The following XKR9 variants were observed in gnomAD, a reference collection of about 807,000 sequenced individuals.
XKR9 encodes XK related 9.
A neutral mutation model predicts 32.0 loss-of-function variants in XKR9; 32 were observed. The ratio of observed to expected loss-of-function variants is 1.00; its 90% CI spans 0.76 to 1.34. The LOEUF (loss-of-function observed/expected upper bound fraction) is 1.34. XKR9 is among the 40% of genes most tolerant of loss of function. XKR9 has a pLI of 0.00. For missense variants in XKR9, 546 were observed against 429.7 expected (o/e 1.27, Z -2.39); for synonymous variants, 168 against 143.4 (o/e 1.17, Z -1.22).
chr8:70,889,624 TTTTCACTTATTA>T, the XKR9 span, among the ~76,000 whole-genome samples: 2 of 151,850 alleles, frequency 1.3e-5, no homozygotes, highest in African/African-American at 4.8e-5. Flanking sequence ...TGATATTTAG[TTTTCACTTATTA>T]TTTCACTTAT....
chr8:70,985,216 T>C, the XKR9 span, among the ~76,000 whole-genome samples: 62 of 152,344 alleles, frequency 4.1e-4, no homozygotes, highest in Non-Finnish European at 6.3e-4. Flanking sequence ...TGTGTCCATG[T>C]ATTCTCATTG....
downstream of XKR9, among the ~76,000 whole-genome samples, chr8:70,737,143 C>T (rs13256511): frequency 0.5 from 65,241 of 129,598 alleles, 17,964 homozygotes; most frequent in Middle Eastern, 0.59. Context: ...TTTTATTTCA[C>T]TGAGCAGTGG....
chr8:70,705,901 G>A (rs1805702572), intron 3 of XKR9, among the ~76,000 whole-genome samples: 1 of 152,066 alleles, frequency 6.6e-6, no homozygotes, highest in Non-Finnish European at 1.5e-5. Flanking sequence ...TAGTGGAAGT[G>A]GTAAGAAGTG....
At chr8:70,708,423 C>T (rs115496515) in intron 4 of XKR9, among the ~76,000 whole-genome samples, 2,512 of 151,968 alleles carry the variant, frequency 0.017, 56 homozygotes, top group African/African-American at 0.057. Flanking sequence ...TTAAAAATAG[C>T]ATAAAATGAG....
chr8:71,021,014 T>C, the XKR9 span, among the ~76,000 whole-genome samples: 1 of 152,216 alleles, frequency 6.6e-6, no homozygotes, highest in African/African-American at 2.4e-5. Context: ...GCTTGACTTC[T>C]GGTGAGGGCC....
chr8:70,997,324 A>AC, the XKR9 span, among the ~76,000 whole-genome samples: 11 of 151,324 alleles, frequency 7.3e-5, no homozygotes, highest in Non-Finnish European at 1.3e-4. Flanking sequence ...AAAAAACCAA[A>AC]ACCCCCCCGC....
the XKR9 span, among the ~76,000 whole-genome samples, chr8:70,952,064 C>T: frequency 1.3e-5 from 2 of 151,328 alleles, no homozygotes; most frequent in African/African-American, 4.9e-5. Flanking sequence ...GTAGAGAATA[C>T]TTTCCTATAT....
chr8:70,698,982 C>G (rs543501132), intron 3 of XKR9, among the ~76,000 whole-genome samples: 13 of 152,202 alleles, frequency 8.5e-5, no homozygotes, highest in South Asian at 4.2e-4. Flanking sequence ...TTTAAAGTCT[C>G]TTTTATCAGA....
intron 2 of XKR9, among the ~76,000 whole-genome samples, chr8:70,783,321 G>A (rs1807641741): frequency 6.6e-6 from 1 of 151,768 alleles, no homozygotes. Context: ...CTGCCTCCTG[G>A]GTTCACGCCA....
At chr8:70,954,425 T>G in the XKR9 span, among the ~76,000 whole-genome samples, 1 of 152,246 alleles carries the variant, frequency 6.6e-6, no homozygotes. Flanking sequence ...TCCACCTTGA[T>G]ATCTGCAAAA....
chr8:70,710,886 A>C (rs1182465159), intron 4 of XKR9, among the ~76,000 whole-genome samples: 1 of 152,202 alleles, frequency 6.6e-6, no homozygotes, highest in East Asian at 1.9e-4. Context: ...CTATGCATCC[A>C]GCAGAGGTCA....
At chr8:70,949,622 TG>T in the XKR9 span, among the ~76,000 whole-genome samples, 2 of 151,828 alleles carry the variant, frequency 1.3e-5, no homozygotes, top group Non-Finnish European at 2.9e-5. Flanking sequence ...TGGCGAGGTT[TG>T]ATCGTGGGGG....
At chr8:70,856,646 T>G in the XKR9 span, among the ~76,000 whole-genome samples, 1 of 152,026 alleles carries the variant, frequency 6.6e-6, no homozygotes, top group Non-Finnish European at 1.5e-5. Context: ...GCAGAACTCT[T>G]CACCCCAAAT....
At chr8:70,783,431 T>C (rs1186737677) in intron 2 of XKR9, among the ~76,000 whole-genome samples, 1 of 152,134 alleles carries the variant, frequency 6.6e-6, no homozygotes, top group East Asian at 1.9e-4. Context: ...TTTCACCGTG[T>C]TAGCCAGAAT....
chr8:70,823,445 A>G, the XKR9 span, among the ~76,000 whole-genome samples: 1 of 152,194 alleles, frequency 6.6e-6, no homozygotes, highest in Non-Finnish European at 1.5e-5. Flanking sequence ...ACTTTTCCTC[A>G]GCCTTTCTAT....
chr8:70,778,942 C>CT lies in XKR9; in HGVS notation n.353-10396dup, dbSNP rs553363605. 2.0e-3 allele frequency among the ~76,000 whole-genome samples: 310 copies of CT among 151,946 alleles called. 2 individuals carry two copies. The highest frequency in any genetic ancestry group is 7.3e-3 in the African/African-American group (302 of 41,472). On this transcript the variant is annotated intron_variant and non_coding_transcript_variant, in intron 2 of 3. Transcript: ENST00000520273. Reference sequence around the variant, plus strand: ...TTTCCTAATGGAATACCCTTTATTTCTCTTTCTTGTCTGACTGCCCTGGCC... The same window carrying CT: ...TTTCCTAATGGAATACCCTTTATTTCTTCTTTCTTGTCTGACTGCCCTGGCC...
chr8:70,784,721 C>T (rs1333431451), intron 2 of XKR9, among the ~76,000 whole-genome samples: 1 of 152,084 alleles, frequency 6.6e-6, no homozygotes, highest in Non-Finnish European at 1.5e-5. Context: ...CTGGCAACCA[C>T]TTGCAATACT....
At chr8:70,761,028 G>T (rs148209864) in intron 2 of XKR9, among the ~76,000 whole-genome samples, 3 of 152,078 alleles carry the variant, frequency 2.0e-5, no homozygotes, top group Non-Finnish European at 4.4e-5. Context: ...CCATGTTTCC[G>T]CAAAAGACAT....
the XKR9 span, among the ~76,000 whole-genome samples, chr8:71,054,552 C>T: frequency 6.6e-6 from 1 of 152,170 alleles, no homozygotes. Context: ...AATGACTGTG[C>T]TAAGCTTGTC....
Sources: allele counts gnomAD v4.1 joint callset (sites outside exome capture counted in the v4.1 genomes callset), GRCh38; gene constraint gnomAD v4.1.1; transcripts MANE v1.5; gene names NCBI Gene and HGNC (gene_info 2026-07-23, HGNC 2026-07-21).